Variants in CREBRF observed in about 807,000 individuals in gnomAD.
The protein encoded by CREBRF is UPF0474 protein C5orf41.
A neutral mutation model predicts 66.1 loss-of-function variants in CREBRF; 5 were observed. The ratio of observed to expected loss-of-function variants is 0.08; its 90% CI spans 0.04 to 0.16. The LOEUF (loss-of-function observed/expected upper bound fraction) is 0.16, where lower values mean the gene tolerates loss of function less well. CREBRF is among the 10% of genes least tolerant of loss of function. The pLI is 1.00. For synonymous variants in CREBRF, 229 were observed against 264.4 expected, an observed-to-expected ratio of 0.87 and a Z score of 1.30; for missense variants, 531 against 744.9, an observed-to-expected ratio of 0.71 and a Z score of 3.34.
intron 4 of CREBRF, chr5:173,092,196 A>G (rs1377198717): frequency 2.1e-6 from 2 of 958,638 alleles, no homozygotes; most frequent in African/African-American, 1.8e-5. Flanking sequence ...GATGGTTTAT[A>G]TTACTCATTC....
Position 173,090,764 on chromosome 5 carries a change from C to G in CREBRF, c.585C>G (p.Val195=). 1 of 1,614,142 alleles carries G rather than the reference C, an allele frequency of 6.2e-7. No homozygotes were observed. Among genetic ancestry groups the G allele is most frequent in the Non-Finnish European group, 8.5e-7 (1 of 1,180,024 alleles). ...CTTCTAAGACTCTGCAGGCTGAGGT[C>G]CCTTTGTCAGACTGTGTCCAAAAAG... The part of the protein sequence containing the change: ...VCSSKTLQAE[V]PLSDCVQKAS... The change falls in exon 4 of 9, where the codon GTC becomes GTG. Residue 195 remains valine, a synonymous_variant. Coordinates refer to ENST00000296953, the MANE Select transcript of CREBRF (RefSeq NM_153607.3). The surrounding 1 kb of genome is among the most constrained non-coding windows in gnomAD (Gnocchi z 4.5).
At chr5:173,100,118 G>GTGTGTTTATA (rs70984939) in intron 4 of CREBRF, among the ~76,000 whole-genome samples, 2 of 88,386 alleles carry the variant, frequency 2.3e-5, no homozygotes, top group African/African-American at 9.8e-5. Context: ...GTGTGTGTGT[G>GTGTGTTTATA]TATATATATA....
At chr5:173,073,854 C>G (rs959896979) in intron 1 of CREBRF, among the ~76,000 whole-genome samples, 3 of 152,098 alleles carry the variant, frequency 2.0e-5, no homozygotes, top group African/African-American at 7.2e-5. Context: ...GTAGTCCCAG[C>G]TACTCGGGAA....
At position 173,100,323 on chromosome 5, in the gene CREBRF, A is replaced by G. The variant is rs374628179; in HGVS notation, c.1223-8301A>G. 2.0e-5 allele frequency among the ~76,000 whole-genome samples: 3 copies of G among 151,554 alleles called. No individual in the cohort carries two copies. The East Asian group carries it at 5.8e-4, about 29-fold the overall frequency. ...TTTTTAATGCCTTTTTAACTTTTAT[A>G]CTAGCATTAAAAGTGTTTTGCATAC... is the stretch of plus-strand genomic sequence containing the variant. On this transcript the variant is annotated intron_variant, in intron 4 of 8. Transcript: ENST00000296953.
At chr5:173,072,592 CTT>C (rs76691654) in intron 1 of CREBRF, among the ~76,000 whole-genome samples, 9 of 135,602 alleles carry the variant, frequency 6.6e-5, no homozygotes, top group Admixed American at 1.5e-4. Context: ...CTGATTTTTA[CTT>C]TTTTTTTTTT....
Position 173,080,302 on chromosome 5 carries a change from C to T in CREBRF, c.-191-283C>T, listed in dbSNP as rs181846108. On this transcript the variant is annotated intron_variant, in intron 1 of 8. Transcript: ENST00000296953. ...AATCAATATATTACATCTTTCAGAT[C>T]ACAGAAAAAATAAGCCTATGTTAAT... 1.4e-5 allele frequency among the ~76,000 whole-genome samples: 2 copies of T among 148,030 alleles called. 1 individual carries two copies. Among genetic ancestry groups the T allele is most frequent in the African/African-American group, 5.0e-5 (2 of 40,388 alleles).
In CREBRF at chr5:173,080,567, CT is replaced by C. The variant is rs1379919494; in HGVS notation, c.-191-15del. The C allele has an allele frequency of 5.5e-6, 3 of 545,880 alleles. No individual in the cohort carries two copies. Among genetic ancestry groups the C allele is most frequent in the Non-Finnish European group, 9.9e-6 (3 of 302,032 alleles). The allele number at this position is 545,880 out of a possible 1,614,324, so 33.8% of individuals were successfully genotyped here. On this transcript the variant is annotated splice_polypyrimidine_tract_variant and intron_variant, in intron 1 of 8. Transcript: ENST00000296953. ...TTTTTCCTGGAATTCAGTGAAGTTA[CT>C]TTGTGTTGTTTGACAGACAGCATCG...
At chr5:173,103,230 A>G (rs1758671132) in intron 4 of CREBRF, among the ~76,000 whole-genome samples, 1 of 152,194 alleles carries the variant, frequency 6.6e-6, no homozygotes, top group Admixed American at 6.5e-5. Context: ...GATGGCATTT[A>G]ATTCATTCAC....
intron 2 of CREBRF, among the ~76,000 whole-genome samples, chr5:173,082,643 C>T (rs912929633): frequency 1.3e-5 from 2 of 151,310 alleles, no homozygotes; most frequent in Non-Finnish European, 2.9e-5. Flanking sequence ...GGCAGTGGCT[C>T]ATATCTGTAA....
At chr5:173,087,555 G>C (rs960835317) in intron 3 of CREBRF, among the ~76,000 whole-genome samples, 2 of 151,762 alleles carry the variant, frequency 1.3e-5, no homozygotes, top group African/African-American at 4.8e-5. Context: ...AATTAGCTGG[G>C]CATGGTAGTG....
At chr5:173,126,343 G>A (rs1162571150) in intron 8 of CREBRF, among the ~76,000 whole-genome samples, 1 of 152,188 alleles carries the variant, frequency 6.6e-6, no homozygotes, top group Non-Finnish European at 1.5e-5. Context: ...GTTTCACCAT[G>A]TTGGCCAGGC....
intron 1 of CREBRF, among the ~76,000 whole-genome samples, chr5:173,074,943 T>C (rs1443802039): frequency 6.6e-6 from 1 of 152,172 alleles, no homozygotes; most frequent in Non-Finnish European, 1.5e-5. Context: ...TTAAAAACTC[T>C]CCGAATGTGA....
At chr5:173,119,071 T>C (rs764432781) in intron 7 of CREBRF, among the ~76,000 whole-genome samples, 1 of 152,174 alleles carries the variant, frequency 6.6e-6, no homozygotes, top group African/African-American at 2.4e-5. Flanking sequence ...ACTGTCTTGA[T>C]TACTGTAAAT....
At chr5:173,061,376 A>G (rs1757268437) in intron 1 of CREBRF, among the ~76,000 whole-genome samples, 1 of 152,200 alleles carries the variant, frequency 6.6e-6, no homozygotes, top group African/African-American at 2.4e-5. Flanking sequence ...CCTTGAAGAG[A>G]ATTTTTAGTA....
At chr5:173,132,859 C>T (rs768183719) in intron 8 of CREBRF, among the ~76,000 whole-genome samples, 44 of 150,202 alleles carry the variant, frequency 2.9e-4, no homozygotes, top group Middle Eastern at 3.5e-3. Context: ...TCAGGTGATC[C>T]GCCAACCTCA....
chr5:173,116,766 A>G (rs1758999543), intron 7 of CREBRF, among the ~76,000 whole-genome samples: 1 of 152,214 alleles, frequency 6.6e-6, no homozygotes, highest in African/African-American at 2.4e-5. Context: ...ATTGATTCAT[A>G]AGATAAGTGT....
At chr5:173,096,440 C>T (rs1581685051) in intron 4 of CREBRF, among the ~76,000 whole-genome samples, 2 of 71,872 alleles carry the variant, frequency 2.8e-5, no homozygotes, top group Non-Finnish European at 6.9e-5. Context: ...CCCTTCCCTC[C>T]CCTCCCCTCT....
intron 7 of CREBRF, among the ~76,000 whole-genome samples, chr5:173,122,522 T>A (rs568933302): frequency 3.3e-5 from 5 of 150,340 alleles, no homozygotes; most frequent in South Asian, 2.1e-4. Flanking sequence ...TCTTTTTTTT[T>A]TTGAGCATAG....
intron 8 of CREBRF, among the ~76,000 whole-genome samples, chr5:173,127,756 C>T (rs1187567293): frequency 2.0e-5 from 3 of 152,130 alleles, no homozygotes; most frequent in Non-Finnish European, 4.4e-5. Context: ...CTGCGCCTGG[C>T]CTGAGTTTAT....
Sources: gnomAD v4.1 joint callset for allele counts (sites outside exome capture counted in the v4.1 genomes callset) on GRCh38, gnomAD v4.1.1 for gene constraint, Gnocchi (gnomAD v3.1) non-coding constraint, MANE v1.5 for transcripts, NCBI Gene and HGNC (gene_info 2026-07-23, HGNC 2026-07-21) for gene names.